IRAG1: variants seen among roughly 807,000 people sequenced by gnomAD.
IRAG1 encodes IP3R-associated cGMP kinase substrate.
A neutral mutation model predicts 106.2 loss-of-function variants in IRAG1; 62 were observed. The ratio of observed to expected loss-of-function variants is 0.58; its 90% CI spans 0.48 to 0.72. IRAG1 has a LOEUF of 0.72. Among genes scored for constraint, IRAG1 ranks in the 30% least tolerant of loss-of-function variants. The pLI is 0.00. For missense variants in IRAG1, 1,064 were observed against 1,140.7 expected, an observed-to-expected ratio of 0.93 and a Z score of 0.97; for synonymous variants, 462 against 443.9, an observed-to-expected ratio of 1.04 and a Z score of -0.51.
intron 10 of IRAG1, 36 bp downstream of exon 10, chr11:10,623,742 A>G (rs61892975): frequency 0.41 from 651,463 of 1,589,946 alleles, 139,799 homozygotes; most frequent in East Asian, 0.7. Context: ...ACAAATCAGC[A>G]CTCGCTGAGA....
intron 1 of IRAG1, among the ~76,000 whole-genome samples, chr11:10,667,610 G>A (rs1859888065): frequency 6.6e-6 from 1 of 152,270 alleles, no homozygotes; most frequent in South Asian, 2.1e-4. Flanking sequence ...ATCGACTCCT[G>A]GGGTAGGTGG....
chr11:10,616,994 G>C (rs554852485), intron 10 of IRAG1: 4 of 982,118 alleles, frequency 4.1e-6, no homozygotes, highest in East Asian at 1.1e-4. Context: ...GTCCCAGGAT[G>C]GTTCCTAAAA....
chr11:10,619,218 A>G (rs535509113), intron 10 of IRAG1, among the ~76,000 whole-genome samples: 1 of 152,336 alleles, frequency 6.6e-6, no homozygotes, highest in Admixed American at 6.5e-5. Flanking sequence ...TGTTGGAAAG[A>G]CTAGATGCAG....
intron 14 of IRAG1, among the ~76,000 whole-genome samples, chr11:10,601,551 A>C (rs369687062): frequency 6.6e-6 from 1 of 152,196 alleles, no homozygotes; most frequent in South Asian, 2.1e-4. Context: ...CAATCGACAT[A>C]ATAAACCAGG....
intron 14 of IRAG1, among the ~76,000 whole-genome samples, chr11:10,602,345 G>A (rs915366669): frequency 4.6e-5 from 7 of 152,190 alleles, no homozygotes; most frequent in Admixed American, 6.5e-5. Flanking sequence ...TTACAAGTAC[G>A]GCAGCAACCC....
chr11:10,621,622 C>T (rs187364324), intron 10 of IRAG1, among the ~76,000 whole-genome samples: 17 of 152,314 alleles, frequency 1.1e-4, no homozygotes, highest in African/African-American at 4.1e-4. Context: ...GATGGCCAAA[C>T]CATGAGATTT....
intron 1 of IRAG1, among the ~76,000 whole-genome samples, chr11:10,664,977 AC>A (rs1213441838): frequency 6.6e-6 from 1 of 151,746 alleles, no homozygotes; most frequent in Non-Finnish European, 1.5e-5. Flanking sequence ...ACCAATGAAT[AC>A]CCCTTTTTTC....
In IRAG1 at chr11:10,665,803, A is replaced by G. The variant is rs1182489807; in HGVS notation, c.68-13621T>C. Among the ~76,000 whole-genome samples, 1 of 152,196 alleles carries G rather than the reference A, an allele frequency of 6.6e-6. No homozygotes were observed. The highest frequency in any genetic ancestry group is 1.5e-5 in the Non-Finnish European group (1 of 68,028). On this transcript the variant is annotated intron_variant, in intron 1 of 20. Coordinates refer to ENST00000423302, the MANE Select transcript of IRAG1 (RefSeq NM_130385.4). The surrounding 1 kb of genome is among the most constrained non-coding windows in gnomAD (Gnocchi z 4.2). ...TTTTTCACCAATAGACTCTGAGCTGAACTGCAGGATGGTGGGTGTGTACAC... is the reference window on the plus strand; with the variant it reads ...TTTTTCACCAATAGACTCTGAGCTGGACTGCAGGATGGTGGGTGTGTACAC...
chr11:10,576,665 A>C lies in IRAG1; in HGVS notation c.2496-90T>G, dbSNP rs535056776. ...ACAGTTCTCTCTGCGGATAGCTTCC[A>C]TGCTGTCTTGAGCAATAGTTCTCAA... is the stretch of plus-strand genomic sequence containing the variant. On this transcript the variant is annotated intron_variant, in intron 20 of 20. Transcript: ENST00000423302. The C allele has an allele frequency of 4.2e-5, 64 of 1,527,424 alleles. 1 individual carries two copies. In the South Asian group the frequency reaches 4.3e-4, roughly 10 times the overall value. 94.6% of individuals were successfully genotyped at this position (1,527,424 alleles called of 1,614,324 possible).
In IRAG1 at chr11:10,623,939, G is replaced by T; in HGVS notation, c.1369-83C>A. ...CTCTTGGCTCTGTCTATGGTTCTGCGACCACTATCTTAGGTGGGAAAGCGG... is the reference window on the plus strand; with the variant it reads ...CTCTTGGCTCTGTCTATGGTTCTGCTACCACTATCTTAGGTGGGAAAGCGG... On this transcript the variant is annotated intron_variant, in intron 9 of 20. Coordinates refer to ENST00000423302, the MANE Select transcript of IRAG1 (RefSeq NM_130385.4). 3 of 1,317,564 alleles carry T rather than the reference G, an allele frequency of 2.3e-6. No homozygotes were observed. In the South Asian group the frequency reaches 3.6e-5, roughly 16 times the overall value. The allele number at this position is 1,317,564 out of a possible 1,614,324, so 81.6% of individuals were successfully genotyped here.
intron 15 of IRAG1, chr11:10,599,879 G>A (rs958973331): frequency 1.3e-5 from 2 of 152,134 alleles, no homozygotes; most frequent in African/African-American, 2.4e-5. Context: ...ATTGTCCACT[G>A]AAGTCAGAAT....
chr11:10,601,705 C>G (rs538271049), intron 14 of IRAG1, among the ~76,000 whole-genome samples: 2 of 152,252 alleles, frequency 1.3e-5, no homozygotes, highest in African/African-American at 4.8e-5. Flanking sequence ...AAAAGGGAAG[C>G]CATTGAATAT....
chr11:10,680,372 G>GAAA (rs1564942533), intron 1 of IRAG1, among the ~76,000 whole-genome samples: 11 of 41,220 alleles, frequency 2.7e-4, no homozygotes, highest in Non-Finnish European at 3.8e-4. Context: ...AAAGAAAGAA[G>GAAA]GAAGGAAGGA....
intron 2 of IRAG1, among the ~76,000 whole-genome samples, chr11:10,642,682 C>T (rs888384607): frequency 6.6e-6 from 1 of 152,260 alleles, no homozygotes; most frequent in Admixed American, 6.5e-5. Flanking sequence ...AATCACTATT[C>T]TCTAGGCTTG....
At position 10,659,921 on chromosome 11, in the gene IRAG1, G is replaced by A. The variant is rs61607525; in HGVS notation, c.68-7739C>T. 0.011 allele frequency among the ~76,000 whole-genome samples: 1,629 copies of A among 152,202 alleles called. 29 individuals carry two copies. Among genetic ancestry groups the A allele is most frequent in the African/African-American group, 0.037 (1,549 of 41,502 alleles). ...AGTCACTCACTCAAGAGTGACATGAGTCATCATCCTGGGGTCAAGGACCAC... is the reference window on the plus strand; with the variant it reads ...AGTCACTCACTCAAGAGTGACATGAATCATCATCCTGGGGTCAAGGACCAC... On this transcript the variant is annotated intron_variant, in intron 1 of 20. Coordinates refer to ENST00000423302, the MANE Select transcript of IRAG1 (RefSeq NM_130385.4). The surrounding 1 kb of genome is among the most constrained non-coding windows in gnomAD (Gnocchi z 4.1).
chr11:10,652,308 C>G (rs984803545), intron 1 of IRAG1, 126 bp from the exon 2 acceptor site: 2 of 1,501,820 alleles, frequency 1.3e-6, no homozygotes, highest in Non-Finnish European at 1.8e-6. Context: ...GGAGGTCAAA[C>G]CAGGCTAGGA....
At position 10,582,870 on chromosome 11, in the gene IRAG1, C is replaced by T. The variant is rs971750724; in HGVS notation, c.2241-884G>A. On this transcript the variant is annotated intron_variant, in intron 18 of 20. Coordinates refer to ENST00000423302, the MANE Select transcript of IRAG1 (RefSeq NM_130385.4). ...ACTCAGGAGGCTGAGGCAAGAGAAT[C>T]GCTTGAGCCTGGAGGCAGAGGTTGC... Among the ~76,000 whole-genome samples the T allele has an allele frequency of 4.6e-5, 7 of 152,272 alleles. No homozygotes were observed. In the South Asian group the frequency reaches 6.2e-4, roughly 14 times the overall value.
chr11:10,661,186 C>A (rs1384142003), intron 1 of IRAG1, among the ~76,000 whole-genome samples: 1 of 152,178 alleles, frequency 6.6e-6, no homozygotes, highest in Non-Finnish European at 1.5e-5. Context: ...CACAGTGGAC[C>A]AAAAGCCAAC....
chr11:10,597,904 T>C (rs753261847), intron 15 of IRAG1, among the ~76,000 whole-genome samples: 8 of 152,244 alleles, frequency 5.3e-5, no homozygotes, highest in African/African-American at 1.9e-4. Flanking sequence ...TAACATATCT[T>C]AGAAGCACCA....
Sources: allele counts gnomAD v4.1 joint callset (sites outside exome capture counted in the v4.1 genomes callset), GRCh38; gene constraint gnomAD v4.1.1; non-coding constraint Gnocchi (gnomAD v3.1); transcripts MANE v1.5; gene names NCBI Gene and HGNC (gene_info 2026-07-23, HGNC 2026-07-21).